XYLB: variants seen among roughly 807,000 people sequenced by gnomAD.
The protein encoded by XYLB is xylulokinase, also known as xylulose kinase.
XYLB carries 62 observed loss-of-function variants against 78.7 expected under a neutral mutation model. That is an observed-to-expected ratio of 0.79 (90% CI 0.64 to 0.97). The LOEUF (loss-of-function observed/expected upper bound fraction) is 0.97, where lower values mean the gene tolerates loss of function less well. Among genes scored for constraint, XYLB ranks in the 50% least tolerant of loss-of-function variants. XYLB has a pLI of 0.00. For synonymous variants in XYLB, 245 were observed against 247.4 expected (o/e 0.99, Z 0.09); for missense variants, 687 against 676.8 (o/e 1.02, Z -0.17).
chr3:38,410,329 A>G (rs533742397), intron 18 of XYLB, among the ~76,000 whole-genome samples: 14 of 152,392 alleles, frequency 9.2e-5, no homozygotes, highest in Non-Finnish European at 7.3e-5. Context: ...CTGGCTAGCC[A>G]TGTGTAGAAA....
intron 9 of XYLB, among the ~76,000 whole-genome samples, chr3:38,371,165 A>G (rs1250339758): frequency 1.3e-5 from 2 of 152,192 alleles, no homozygotes; most frequent in East Asian, 1.9e-4. Flanking sequence ...GTTGGAGTGC[A>G]GTGGCATGAT....
intron 14 of XYLB, 92 bp downstream of exon 14, chr3:38,377,083 C>A: frequency 1.8e-6 from 2 of 1,138,052 alleles, no homozygotes; most frequent in Non-Finnish European, 2.6e-6. Flanking sequence ...CTTTTAGGGA[C>A]TTCATTCATT....
At chr3:38,448,205 GAGAT>G in the XYLB span, among the ~76,000 whole-genome samples, 1 of 151,032 alleles carries the variant, frequency 6.6e-6, no homozygotes, top group Non-Finnish European at 1.5e-5. Flanking sequence ...TGGCAGTAGA[GAGAT>G]AGATAACAGA....
At chr3:38,388,885 C>T (rs1707514650) in intron 15 of XYLB, among the ~76,000 whole-genome samples, 1 of 151,758 alleles carries the variant, frequency 6.6e-6, no homozygotes, top group Non-Finnish European at 1.5e-5. Flanking sequence ...CAGTTTAGGC[C>T]TATTAAGGCA....
rs1575484960 is a variant in XYLB, at chr3:38,372,723, T to G, written c.834T>G (p.Thr278=). 1 of 1,614,164 alleles carries G rather than the reference T, an allele frequency of 6.2e-7. No individual in the cohort carries two copies. Among genetic ancestry groups the G allele is most frequent in the Non-Finnish European group, 8.5e-7 (1 of 1,180,036 alleles). ...CAGGATGCAAAGTGGTGGCCTTCAC[T>G]GGGGACAACCCAGGTGAGTATCTCG... is the stretch of plus-strand genomic sequence containing the variant. The part of the protein sequence containing the change: ...FPPGCKVVAF[T]GDNPASLAGM... Residue 278 remains threonine (T), a synonymous_variant, in exon 10 of 19, where the codon ACT becomes ACG. Coordinates refer to ENST00000207870, the MANE Select transcript of XYLB (RefSeq NM_005108.4).
the XYLB span, among the ~76,000 whole-genome samples, chr3:38,442,100 G>A: frequency 2.6e-5 from 4 of 152,106 alleles, no homozygotes; most frequent in South Asian, 2.1e-4. Flanking sequence ...TGATTCCAAG[G>A]AACCCCTGCA....
intron 17 of XYLB, 111 bp from the exon 18 acceptor site, chr3:38,400,780 T>C: frequency 1.3e-6 from 1 of 796,396 alleles, no homozygotes; most frequent in Non-Finnish European, 2.1e-6. Context: ...CAACCATCAC[T>C]ATAATCCAGT....
At position 38,400,953 on chromosome 3, in the gene XYLB, C is replaced by G. The variant is rs374817181; in HGVS notation, c.1501C>G (p.Leu501Val). 1 of 1,614,202 alleles carries G rather than the reference C, an allele frequency of 6.2e-7. No homozygotes were observed. The highest frequency in any genetic ancestry group is 1.7e-5 in the Admixed American group (1 of 60,018). The change falls in exon 18 of 19, where the codon CTA becomes GTA. Residue 501 changes from leucine (L) to valine (V), a missense_variant. Transcript: ENST00000207870. ...EVVKLAPNPR[L>V]AATPSPGASQ... is the part of the protein sequence containing the mutation. ...TGTGAAGTTAGCTCCAAATCCCAGA[C>G]TAGCTGCTACCCCAAGCCCGGGAGC...
At chr3:38,403,313 AAT>A (rs1708190399) in intron 18 of XYLB, among the ~76,000 whole-genome samples, 1 of 151,588 alleles carries the variant, frequency 6.6e-6, no homozygotes, top group Admixed American at 6.6e-5. Context: ...AAAAGTTACT[AAT>A]ATGATATTTT....
At chr3:38,401,416 A>G (rs770380292) in intron 18 of XYLB, among the ~76,000 whole-genome samples, 4 of 152,234 alleles carry the variant, frequency 2.6e-5, no homozygotes, top group Non-Finnish European at 5.9e-5. Context: ...TGGGTCCCTC[A>G]GAAAGCAGAG....
intron 4 of XYLB, 127 bp from the exon 5 acceptor site, chr3:38,365,072 C>T: frequency 1.3e-6 from 1 of 766,676 alleles, no homozygotes; most frequent in Admixed American, 2.3e-5. Flanking sequence ...AGCTCTGTGA[C>T]TAAGAAGTGG....
chr3:38,398,763 G>A lies in XYLB; in HGVS notation c.1438+1604G>A, dbSNP rs189519599. Among the ~76,000 whole-genome samples, 216 of 148,110 alleles carry A rather than the reference G, an allele frequency of 1.5e-3. 1 individual carries two copies. The highest frequency in any genetic ancestry group is 3.9e-3 in the African/African-American group (158 of 40,216). The stretch of plus-strand genomic sequence containing the variant: ...ATTTCGGTTGGGTGCAGTAGCTCAC[G>A]CCTGTAATCCCAGCACTTTGGGAGG... On this transcript the variant is annotated intron_variant, in intron 17 of 18. Coordinates refer to ENST00000207870, the MANE Select transcript of XYLB (RefSeq NM_005108.4).
chr3:38,385,158 A>T (rs1707327608), intron 15 of XYLB, among the ~76,000 whole-genome samples: 1 of 151,822 alleles, frequency 6.6e-6, no homozygotes, highest in African/African-American at 2.4e-5. Flanking sequence ...GCGCCATACC[A>T]CCTGGCTAAT....
At chr3:38,405,009 A>G (rs1575535285) in intron 18 of XYLB, among the ~76,000 whole-genome samples, 1 of 152,156 alleles carries the variant, frequency 6.6e-6, no homozygotes, top group Admixed American at 6.5e-5. Flanking sequence ...TTCTCAGGTA[A>G]GATGGACAGC....
At chr3:38,368,774 C>T (rs1191245289) in intron 8 of XYLB, among the ~76,000 whole-genome samples, 1 of 152,172 alleles carries the variant, frequency 6.6e-6, no homozygotes, top group Non-Finnish European at 1.5e-5. Flanking sequence ...TTACTGGTCA[C>T]ACACTAGGTA....
chr3:38,448,937 G>A, the XYLB span, among the ~76,000 whole-genome samples: 2 of 152,058 alleles, frequency 1.3e-5, no homozygotes, highest in Non-Finnish European at 2.9e-5. Context: ...GCTCCCTCTT[G>A]CGCAGAGGCT....
At chr3:38,384,569 A>T (rs763620085) in intron 15 of XYLB, among the ~76,000 whole-genome samples, 1 of 152,234 alleles carries the variant, frequency 6.6e-6, no homozygotes, top group Non-Finnish European at 1.5e-5. Flanking sequence ...CAGGTCTTAA[A>T]AACAACTATT....
chr3:38,450,050 T>C, the XYLB span, among the ~76,000 whole-genome samples: 1 of 152,190 alleles, frequency 6.6e-6, no homozygotes, highest in South Asian at 2.1e-4. Context: ...TTATTAAGTC[T>C]TGGGGGAACT....
the XYLB span, among the ~76,000 whole-genome samples, chr3:38,436,568 A>G: frequency 6.6e-6 from 1 of 152,224 alleles, no homozygotes; most frequent in African/African-American, 2.4e-5. Context: ...AACTCATTCT[A>G]TGAGGCCAGC....
Sources: allele counts gnomAD v4.1 joint callset (sites outside exome capture counted in the v4.1 genomes callset), GRCh38; gene constraint gnomAD v4.1.1; transcripts MANE v1.5; gene names NCBI Gene and HGNC (gene_info 2026-07-23, HGNC 2026-07-21).